Variants in EML2 observed in about 807,000 individuals in gnomAD.
The protein encoded by EML2 is echinoderm microtubule-associated protein-like 2.
In EML2, 59 loss-of-function variants were observed where a neutral mutation model predicts 84.7. That is an observed-to-expected ratio of 0.70 (90% confidence interval 0.56 to 0.86). The LOEUF is 0.86. Among genes scored for constraint, EML2 ranks in the 40% least tolerant of loss-of-function variants. EML2 has a pLI of 0.00. For synonymous variants in EML2, 352 were observed against 348.9 expected, an observed-to-expected ratio of 1.01 and a Z score of -0.10; for missense variants, 818 against 855.6, an observed-to-expected ratio of 0.96 and a Z score of 0.55.
chr19:45,631,315 A>G (rs1972996173), intron 6 of EML2, among the ~76,000 whole-genome samples: 1 of 152,174 alleles, frequency 6.6e-6, no homozygotes, highest in Non-Finnish European at 1.5e-5. Flanking sequence ...GTGCCTCTTA[A>G]GCTATCTGTG....
At position 45,630,551 on chromosome 19, in the gene EML2, C is replaced by CAAAAA. The variant is rs764565313; in HGVS notation, c.511-510_511-506dup. On this transcript the variant is annotated intron_variant, in intron 6 of 18. Transcript: ENST00000245925. ...TGGGTGACAGTGAGAGACTCTGTCTCAAAAAAAAAAAAAAAAAGACCTTCA... is the reference window on the plus strand; with the variant it reads ...TGGGTGACAGTGAGAGACTCTGTCTCAAAAAAAAAAAAAAAAAAAAAAGACCTTCA... Among the ~76,000 whole-genome samples the CAAAAA allele has an allele frequency of 9.8e-3, 1,038 of 105,950 alleles. 20 individuals are homozygous for CAAAAA. The highest frequency in any genetic ancestry group is 0.026 in the African/African-American group (738 of 28,032). 69.5% of individuals were successfully genotyped at this position (105,950 alleles called of 152,430 possible).
At chr19:45,634,861 CT>C (rs888083194) in intron 3 of EML2, among the ~76,000 whole-genome samples, 1 of 149,754 alleles carries the variant, frequency 6.7e-6, no homozygotes, top group Non-Finnish European at 1.5e-5. Flanking sequence ...TTTATTTTTT[CT>C]TTTTTTTGAG....
upstream of EML2, chr19:45,645,300 T>C (rs1974948115): frequency 8.5e-6 from 13 of 1,533,460 alleles, no homozygotes; most frequent in East Asian, 3.2e-4. Flanking sequence ...AGCGAGGACG[T>C]GTCGTACAGG....
upstream of EML2, chr19:45,643,769 C>G (rs1974812194): frequency 6.7e-7 from 1 of 1,492,710 alleles, no homozygotes; most frequent in African/African-American, 1.4e-5. Context: ...AGCCCAATCG[C>G]CTGCCGAGGC....
intron 7 of EML2, among the ~76,000 whole-genome samples, chr19:45,627,219 A>C (rs2122712782): frequency 6.7e-6 from 1 of 149,484 alleles, no homozygotes; most frequent in African/African-American, 2.5e-5. Context: ...AGCCTCCTAA[A>C]GTGCTGGGAT....
At chr19:45,620,939 A>C in intron 11 of EML2, 1 of 568,098 alleles carries the variant, frequency 1.8e-6, no homozygotes, top group Non-Finnish European at 3.3e-6. Context: ...ACCTGTAGGG[A>C]CACTCACCAA....
upstream of EML2, chr19:45,641,855 C>G: frequency 1.3e-6 from 2 of 1,483,274 alleles, no homozygotes; most frequent in South Asian, 2.6e-5. Context: ...CTCAGGCAAA[C>G]AAACCACCTC....
chr19:45,627,571 G>A (rs943711531), intron 7 of EML2, among the ~76,000 whole-genome samples: 10 of 152,118 alleles, frequency 6.6e-5, no homozygotes, highest in Non-Finnish European at 1.3e-4. Context: ...TTTCCTATAC[G>A]GTAAATTAAA....
At chr19:45,638,706 A>G in intron 2 of EML2, 72 bp from the exon 3 acceptor site, 1 of 1,584,268 alleles carries the variant, frequency 6.3e-7, no homozygotes, top group Non-Finnish European at 8.6e-7. Flanking sequence ...TTCCAGCTTT[A>G]TTTATTTATT....
upstream of EML2, chr19:45,642,747 G>A (rs529052555): frequency 1.9e-3 from 301 of 159,446 alleles, 1 homozygote; most frequent in African/African-American, 6.8e-3. Context: ...CGTATCACGA[G>A]GTCAGGAGAT....
upstream of EML2, chr19:45,645,260 G>A (rs1974942775): frequency 6.5e-7 from 1 of 1,533,080 alleles, no homozygotes; most frequent in South Asian, 1.2e-5. Context: ...TCGGAACTGA[G>A]GAGGGGTCTC....
chr19:45,624,435 C>T (rs1972066337), intron 9 of EML2, among the ~76,000 whole-genome samples: 1 of 152,150 alleles, frequency 6.6e-6, no homozygotes. Context: ...GTCCTTCCTT[C>T]CATCCACCCA....
At position 45,616,656 on chromosome 19, in the gene EML2, T is replaced by C; in HGVS notation, c.1412-98A>G. The C allele has an allele frequency of 2.2e-6, 3 of 1,378,564 alleles. No individual in the cohort carries two copies. The South Asian group carries it at 3.6e-5, about 16-fold the overall frequency. The allele number at this position is 1,378,564 out of a possible 1,614,324, so 85.4% of individuals were successfully genotyped here. A position where few individuals can be genotyped will look rare whatever the true frequency, so the allele number is the denominator to read the frequency against. On this transcript the variant is annotated intron_variant, in intron 14 of 18. Coordinates refer to ENST00000245925, the MANE Select transcript of EML2 (RefSeq NM_012155.4). ...CAACAGTCCCCAGCTCCATCCCCAC[T>C]GCATCCCTCCTAGGCCTCGCTTCGC...
chr19:45,615,474 C>T (rs953346095), intron 16 of EML2, among the ~76,000 whole-genome samples: 1 of 150,310 alleles, frequency 6.7e-6, no homozygotes, highest in Non-Finnish European at 1.5e-5. Flanking sequence ...GCCGAGATCG[C>T]GCCACTGCAC....
rs767518919 is a variant in EML2 at position 45,638,612 on chromosome 19, G to A, written c.72C>T (p.Phe24=). The A allele has an allele frequency of 1.9e-6, 3 of 1,613,964 alleles. No homozygotes were observed. The highest frequency in any genetic ancestry group is 3.3e-5 in the Admixed American group (2 of 60,004). The change falls in exon 3 of 19, where the codon TTC becomes TTT. Residue 24 remains phenylalanine, a synonymous_variant. Transcript: ENST00000245925. ...TCATGGGCACAGGGCGGCCCCTCAG[G>A]AACATTTTCACGGAGCCATCCTCTG... is the stretch of plus-strand genomic sequence containing the variant. ...FSVEDGSVKM[F]LRGRPVPMMI... is the part of the protein sequence containing the mutation.
intron 5 of EML2, 29 bp from the exon 6 acceptor site, chr19:45,633,000 G>T (rs1351737094): frequency 6.2e-7 from 1 of 1,604,894 alleles, no homozygotes; most frequent in South Asian, 1.1e-5. Context: ...TGTTACCTTG[G>T]GGGTGCCAGC....
At chr19:45,641,926 G>A (rs1473753339), upstream of EML2, 6 of 1,441,238 alleles carry the variant, frequency 4.2e-6, no homozygotes, top group Admixed American at 2.8e-5. Context: ...ACCTGCGCCC[G>A]GAGGTCGCCT....
intron 6 of EML2, among the ~76,000 whole-genome samples, chr19:45,630,967 G>C (rs1275756800): frequency 6.6e-6 from 1 of 152,138 alleles, no homozygotes; most frequent in Non-Finnish European, 1.5e-5. Flanking sequence ...CGATTCTCCT[G>C]TCTCTGCCTC....
intron 3 of EML2, 84 bp from the exon 4 acceptor site, chr19:45,634,555 AATTTT>A: frequency 9.3e-7 from 1 of 1,078,122 alleles, no homozygotes; most frequent in Admixed American, 4.3e-5. Context: ...ATTTATTTTT[AATTTT>A]TTTATTTATT....
Sources: gnomAD v4.1 joint callset for allele counts (sites outside exome capture counted in the v4.1 genomes callset) on GRCh38, gnomAD v4.1.1 for gene constraint, MANE v1.5 for transcripts, NCBI Gene and HGNC (gene_info 2026-07-23, HGNC 2026-07-21) for gene names.